Variants in MYBPC1 observed in about 807,000 individuals in gnomAD.
MYBPC1 encodes the protein myosin-binding protein C, slow-type.
In MYBPC1, 52 loss-of-function variants were observed where a neutral mutation model predicts 147.1. That is an observed-to-expected ratio of 0.35 (90% confidence interval 0.28 to 0.45). MYBPC1 has a LOEUF of 0.45. Ranked by LOEUF, MYBPC1 falls within the 20% of genes least tolerant of loss-of-function variation. The pLI is 1.00. For synonymous variants in MYBPC1, 477 were observed against 475.9 expected, an observed-to-expected ratio of 1.00 and a Z score of -0.03; for missense variants, 1,228 against 1,440.3, an observed-to-expected ratio of 0.85 and a Z score of 2.39.
chr12:101,666,892 C>CAG, intron 22 of MYBPC1: 2 of 457,834 alleles, frequency 4.4e-6, no homozygotes, highest in African/African-American at 2.1e-5. Context: ...TCATCACATA[C>CAG]ATACACACAC....
chr12:101,678,259 A>G (rs1566012678), intron 28 of MYBPC1, 21 bp downstream of exon 28: 4 of 1,613,444 alleles, frequency 2.5e-6, no homozygotes, highest in South Asian at 1.1e-5. Flanking sequence ...CTTCTATCAC[A>G]TCAGTTAAAG....
intron 12 of MYBPC1, among the ~76,000 whole-genome samples, chr12:101,645,293 A>T (rs1892854558): frequency 6.6e-6 from 1 of 152,198 alleles, no homozygotes; most frequent in African/African-American, 2.4e-5. Context: ...TAATGTTGAG[A>T]TAAAACAAAA....
intron 10 of MYBPC1, among the ~76,000 whole-genome samples, chr12:101,639,160 C>T (rs1024560321): frequency 3.3e-5 from 5 of 152,176 alleles, no homozygotes; most frequent in African/African-American, 1.2e-4. Flanking sequence ...TAGGAATTGA[C>T]CTGTATAAAT....
At chr12:101,629,383 TAAG>T (rs748213238) in intron 5 of MYBPC1, 48 bp from the exon 6 acceptor site, 8 of 1,285,306 alleles carry the variant, frequency 6.2e-6, no homozygotes, top group South Asian at 1.2e-5. Context: ...TAAGACTGCC[TAAG>T]AAGAGCCTGG....
chr12:101,682,431 A>T (rs957818109), intron 29 of MYBPC1, among the ~76,000 whole-genome samples, 173 bp from the exon 30 acceptor site: 1 of 152,234 alleles, frequency 6.6e-6, no homozygotes, highest in Non-Finnish European at 1.5e-5. Flanking sequence ...GTAATAAAGT[A>T]TCAATTGTGA....
chr12:101,632,691 T>C (rs1890159403), intron 8 of MYBPC1, among the ~76,000 whole-genome samples: 1 of 152,186 alleles, frequency 6.6e-6, no homozygotes, highest in South Asian at 2.1e-4. Context: ...TTAAGGTGAA[T>C]GTAAAGTGTG....
chr12:101,663,998 A>G (rs1160102420), intron 22 of MYBPC1, among the ~76,000 whole-genome samples: 5 of 152,244 alleles, frequency 3.3e-5, no homozygotes, highest in African/African-American at 1.2e-4. Flanking sequence ...ATATTTGGCT[A>G]GTAATCATCA....
chr12:101,674,503 G>A (rs1171965973), intron 25 of MYBPC1, among the ~76,000 whole-genome samples: 1 of 152,018 alleles, frequency 6.6e-6, no homozygotes, highest in Non-Finnish European at 1.5e-5. Flanking sequence ...CAGAGTCAGG[G>A]GAATAGAGGA....
At chr12:101,673,385 A>G (rs748696070) in intron 24 of MYBPC1, 42 bp from the exon 25 acceptor site, 1 of 1,592,550 alleles carries the variant, frequency 6.3e-7, no homozygotes. Flanking sequence ...ATCTTGAGAC[A>G]ATATGATTTA....
chr12:101,656,469 T>C (rs937346734), intron 18 of MYBPC1, among the ~76,000 whole-genome samples: 1 of 151,570 alleles, frequency 6.6e-6, no homozygotes, highest in Non-Finnish European at 1.5e-5. Flanking sequence ...AGTTTAAATA[T>C]AAAGTTGCAT....
At chr12:101,615,830 AT>A (rs1472387941) in intron 2 of MYBPC1, among the ~76,000 whole-genome samples, 1 of 151,964 alleles carries the variant, frequency 6.6e-6, no homozygotes, top group East Asian at 1.9e-4. Context: ...ACAAAAACTT[AT>A]GAGGCAATTA....
At chr12:101,620,030 G>A (rs999978229) in intron 3 of MYBPC1, among the ~76,000 whole-genome samples, 2 of 152,148 alleles carry the variant, frequency 1.3e-5, no homozygotes, top group Admixed American at 1.3e-4. Flanking sequence ...TTCCCAGCAC[G>A]GGGTTTTATG....
chr12:101,617,690 A>G (rs530610908), intron 3 of MYBPC1, among the ~76,000 whole-genome samples: 1 of 152,294 alleles, frequency 6.6e-6, no homozygotes, highest in East Asian at 1.9e-4. Flanking sequence ...AACACTGACT[A>G]TGTATTCATG....
At chr12:101,681,043 C>T (rs1227767449) in intron 29 of MYBPC1, among the ~76,000 whole-genome samples, 1 of 152,152 alleles carries the variant, frequency 6.6e-6, no homozygotes, top group East Asian at 1.9e-4. Context: ...ATAGCATATA[C>T]ATATTATAAC....
At chr12:101,668,425 A>T (rs11110948) in intron 23 of MYBPC1, among the ~76,000 whole-genome samples, 32,229 of 152,002 alleles carry the variant, frequency 0.21, 3,850 homozygotes, top group Middle Eastern at 0.34. Context: ...CCATGCACTC[A>T]ACAGATGAAA....
At chr12:101,659,069 AAATAT>A (rs1336339339) in intron 18 of MYBPC1, among the ~76,000 whole-genome samples, 1 of 152,218 alleles carries the variant, frequency 6.6e-6, no homozygotes, top group Non-Finnish European at 1.5e-5. Flanking sequence ...AAAAGAAAGA[AAATAT>A]AATAGGAGGC....
At chr12:101,616,806 T>C (rs1281754012) in intron 2 of MYBPC1, among the ~76,000 whole-genome samples, 1 of 152,232 alleles carries the variant, frequency 6.6e-6, no homozygotes, top group Admixed American at 6.5e-5. Flanking sequence ...ACTCTTGGAA[T>C]CATTACATGG....
chr12:101,607,967 T>C (rs1036176358), intron 1 of MYBPC1, among the ~76,000 whole-genome samples: 2 of 152,196 alleles, frequency 1.3e-5, no homozygotes, highest in East Asian at 3.8e-4. Context: ...AGTTACTGGG[T>C]CCCTAGTGTT....
In MYBPC1 at chr12:101,663,539, C is replaced by CTAGAGTATT. The variant is rs776451596; in HGVS notation, c.2336_2344dup (p.Leu779_Tyr781dup). 2 of 1,613,978 alleles carry CTAGAGTATT rather than the reference C, an allele frequency of 1.2e-6. No homozygotes were observed. Among genetic ancestry groups the CTAGAGTATT allele is most frequent in the South Asian group, 2.2e-5 (2 of 91,052 alleles). On this transcript the variant is annotated inframe_insertion, in exon 22 of 32. Transcript: ENST00000361466. ...TGCAGCAGGTTTAGATGGCTATGTG[C>CTAGAGTATT]TAGAGTATTGCTTTGAAGGAAGTAA...
Sources: allele counts gnomAD v4.1 joint callset (sites outside exome capture counted in the v4.1 genomes callset), GRCh38; gene constraint gnomAD v4.1.1; transcripts MANE v1.5; gene names NCBI Gene and HGNC (gene_info 2026-07-23, HGNC 2026-07-21).